MIDEAS: variants seen among roughly 807,000 people sequenced by gnomAD.
The protein encoded by MIDEAS is mitotic deacetylase-associated SANT domain protein.
Under a neutral mutation model 102.7 loss-of-function variants are expected in MIDEAS, and 26 were observed. The ratio of observed to expected loss-of-function variants is 0.25; its 90% CI spans 0.19 to 0.35. MIDEAS has a LOEUF of 0.35. Ranked by LOEUF, MIDEAS falls within the 10% of genes least tolerant of loss-of-function variation. MIDEAS has a pLI of 1.00. For synonymous variants in MIDEAS, 585 were observed against 591.0 expected, an observed-to-expected ratio of 0.99 and a Z score of 0.15; for missense variants, 1,231 against 1,435.6, an observed-to-expected ratio of 0.86 and a Z score of 2.30.
intron 1 of MIDEAS, among the ~76,000 whole-genome samples, chr14:73,784,461 T>C (rs1026710736): frequency 3.9e-5 from 6 of 152,264 alleles, no homozygotes; most frequent in Admixed American, 3.9e-4. Context: ...TCCTTCTTTC[T>C]CTGGCCTTTA....
Position 73,772,794 on chromosome 14 carries a change from AGTGTGTGTGTGTGTGTGTGTGT to A in MIDEAS, c.-248+14286_-248+14307del, listed in dbSNP as rs61402555. 2.2e-5 allele frequency among the ~76,000 whole-genome samples: 3 copies of A among 135,720 alleles called. No individual in the cohort carries two copies. The East Asian group carries it at 6.4e-4, about 29-fold the overall frequency. The allele number at this position is 135,720 out of a possible 152,430, so 89.0% of individuals were successfully genotyped here. On this transcript the variant is annotated intron_variant, in intron 1 of 11. Transcript: ENST00000394071. ...ACATTTTCTTACAGCTTCAAGTTCT[AGTGTGTGTGTGTGTGTGTGTGT>A]GTGTGTGTGTGTGTGTGTATTTTGT...
chr14:73,719,073 G>A lies in MIDEAS; in HGVS notation c.3135-65C>T, dbSNP rs1020414983. The stretch of plus-strand genomic sequence containing the variant: ...ACCCGGGGGCCCCCAGCGCGGGTGC[G>A]CGAGGAGCCCCAGCCTTCACCTTCA... On this transcript the variant is annotated intron_variant, in intron 12 of 12. Transcript: ENST00000423556. 5.5e-6 allele frequency: 8 copies of A among 1,446,728 alleles called. No individual in the cohort carries two copies. The African/African-American group carries it at 8.6e-5, about 16-fold the overall frequency. 89.6% of individuals were successfully genotyped at this position (1,446,728 alleles called of 1,614,324 possible). A position where few individuals can be genotyped will look rare whatever the true frequency, so the allele number is the denominator to read the frequency against.
rs1415589602 is a variant in MIDEAS, at chr14:73,715,639, G to C, written c.*3204C>G. On this transcript the variant is annotated 3_prime_UTR_variant, in exon 13 of 13. Coordinates refer to ENST00000423556, the MANE Select transcript of MIDEAS (RefSeq NM_001367710.1). The stretch of plus-strand genomic sequence containing the variant: ...ATATCCCTACTTCCTGTAAACCTAT[G>C]GAGTTAGGCTTGCCAGTCTGATAAT... The C allele has an allele frequency of 6.6e-6, 1 of 152,476 alleles. No homozygotes were observed. The highest frequency in any genetic ancestry group is 1.5e-5 in the Non-Finnish European group (1 of 68,036). 9.4% of individuals were successfully genotyped at this position (152,476 alleles called of 1,614,324 possible).
At chr14:73,769,758 C>T (rs574654719) in intron 1 of MIDEAS, among the ~76,000 whole-genome samples, 209 of 152,140 alleles carry the variant, frequency 1.4e-3, no homozygotes, top group African/African-American at 4.7e-3. Context: ...CGCACCACCA[C>T]GCCCAGCTAA....
chr14:73,764,662 T>G (rs1405412885), upstream of MIDEAS, among the ~76,000 whole-genome samples: 3 of 152,214 alleles, frequency 2.0e-5, no homozygotes, highest in Non-Finnish European at 4.4e-5. Flanking sequence ...ACCCCAGTCA[T>G]GAAGTTAAGC....
chr14:73,739,203 G>T lies in MIDEAS; in HGVS notation c.806C>A (p.Pro269Gln). 6.2e-7 allele frequency: 1 copy of T among 1,613,708 alleles called. No homozygotes were observed. ...QQQQAALPQM[P>Q]LFENFYSMPQ... is the part of the protein sequence containing the mutation. The stretch of plus-strand genomic sequence containing the variant: ...CATGGAATAGAAGTTCTCAAAGAGC[G>T]GCATCTGGGGTAGGGCTGCCTGCTG... The change falls in exon 2 of 13, where the codon CCG (proline) becomes CAG (glutamine). Residue 269 changes from proline (P) to glutamine (Q), a missense_variant. Pro to Gln is a moderately conservative substitution (Grantham distance 76). Coordinates refer to ENST00000423556, the MANE Select transcript of MIDEAS (RefSeq NM_001367710.1).
intron 1 of MIDEAS, among the ~76,000 whole-genome samples, chr14:73,765,637 TC>T (rs757831378): frequency 6.6e-6 from 1 of 152,046 alleles, no homozygotes; most frequent in Non-Finnish European, 1.5e-5. Flanking sequence ...CTGCCCCACT[TC>T]CCAGCCTCAG....
intron 9 of MIDEAS, chr14:73,724,208 A>G (rs1383348867): frequency 1.3e-5 from 2 of 152,212 alleles, no homozygotes; most frequent in African/African-American, 4.8e-5. Flanking sequence ...CCACACCCAG[A>G]GGCTGTTTCC....
At chr14:73,765,598 G>A (rs1337990960) in intron 1 of MIDEAS, among the ~76,000 whole-genome samples, 2 of 152,128 alleles carry the variant, frequency 1.3e-5, no homozygotes, top group East Asian at 3.8e-4. Flanking sequence ...TAGCTAGACT[G>A]TTAGGCACCT....
chr14:73,735,367 T>C (rs1040187795), intron 3 of MIDEAS, among the ~76,000 whole-genome samples: 3 of 152,256 alleles, frequency 2.0e-5, no homozygotes, highest in Non-Finnish European at 4.4e-5. Context: ...ATGTTAATTT[T>C]ATTTTATTCT....
intron 9 of MIDEAS, chr14:73,724,779 GGAGA>G (rs2053038993): frequency 6.2e-6 from 1 of 160,700 alleles, no homozygotes; most frequent in Non-Finnish European, 1.4e-5. Context: ...AGAAGAATAT[GGAGA>G]GAGGACAAGA....
At chr14:73,788,467 GT>G (rs1236384278), upstream of MIDEAS, among the ~76,000 whole-genome samples, 3 of 152,242 alleles carry the variant, frequency 2.0e-5, no homozygotes, top group East Asian at 5.8e-4. Flanking sequence ...TGATCCCCAG[GT>G]CTGTGTTAAT....
At chr14:73,719,228 TCCCC>T in intron 12 of MIDEAS, 73 bp downstream of exon 12, 2 of 645,574 alleles carry the variant, frequency 3.1e-6, no homozygotes, top group Non-Finnish European at 2.0e-6. Context: ...CTCTTCCCCC[TCCCC>T]TCCACCCCAC....
intron 1 of MIDEAS, among the ~76,000 whole-genome samples, chr14:73,770,076 C>T (rs1262420226): frequency 6.6e-6 from 1 of 151,862 alleles, no homozygotes; most frequent in Non-Finnish European, 1.5e-5. Context: ...CTCCACAGCA[C>T]CTGTATATAG....
intron 1 of MIDEAS, among the ~76,000 whole-genome samples, chr14:73,746,925 A>G (rs1008535350): frequency 1.3e-5 from 2 of 152,154 alleles, no homozygotes; most frequent in African/African-American, 4.8e-5. Context: ...AGACAGAGAA[A>G]CAGAAACACA....
intron 1 of MIDEAS, among the ~76,000 whole-genome samples, chr14:73,768,983 A>T (rs1010779355): frequency 6.6e-6 from 1 of 152,136 alleles, no homozygotes; most frequent in African/African-American, 2.4e-5. Flanking sequence ...GTCATTTATC[A>T]TCACACTCTG....
chr14:73,739,805 G>A lies in MIDEAS; in HGVS notation c.204C>T (p.Ser68=). Residue 68 remains serine (S), a synonymous_variant, in exon 2 of 13, where the codon AGC becomes AGT. Transcript: ENST00000423556. ...CCACAGAGTTCAGCAGGGCCAGGCT[G>A]CTAGGAGGGGGCAGTTCCACAGGCT... ...TSQPVELPPP[S]SLALLNSVVY... 7 of 1,613,260 alleles carry A rather than the reference G, an allele frequency of 4.3e-6. No homozygotes were observed. Among genetic ancestry groups the A allele is most frequent in the Non-Finnish European group, 5.9e-6 (7 of 1,179,554 alleles).
At chr14:73,754,811 C>G (rs1300474524) in intron 1 of MIDEAS, 1 of 152,142 alleles carries the variant, frequency 6.6e-6, no homozygotes, top group Non-Finnish European at 1.5e-5. Flanking sequence ...GCCTTACCTA[C>G]TAAAGAAATG....
intron 1 of MIDEAS, chr14:73,787,097 C>A (rs2053820125): frequency 6.7e-6 from 1 of 149,978 alleles, no homozygotes; most frequent in African/African-American, 2.4e-5. Context: ...GAGCCCGCGG[C>A]TTACCTGCGT....
Sources: allele counts gnomAD v4.1 joint callset (sites outside exome capture counted in the v4.1 genomes callset), GRCh38; gene constraint gnomAD v4.1.1; transcripts MANE v1.5; gene names NCBI Gene and HGNC (gene_info 2026-07-23, HGNC 2026-07-21).